Variants in TMEM132D observed in about 807,000 individuals in gnomAD.
TMEM132D encodes mature OL transmembrane protein.
TMEM132D carries 21 observed loss-of-function variants against 62.3 expected under a neutral mutation model. The observed-to-expected ratio is 0.34, with a 90% CI of 0.24 to 0.49. TMEM132D has a LOEUF of 0.49. TMEM132D is among the 20% of genes least tolerant of loss of function. TMEM132D has a pLI of 0.99. For synonymous variants in TMEM132D, 621 were observed against 575.6 expected, an observed-to-expected ratio of 1.08 and a Z score of -1.13; for missense variants, 1,346 against 1,402.8, an observed-to-expected ratio of 0.96 and a Z score of 0.65.
intron 3 of TMEM132D, among the ~76,000 whole-genome samples, chr12:129,444,679 CAG>C (rs2135723109): frequency 6.6e-6 from 1 of 152,210 alleles, no homozygotes; most frequent in South Asian, 2.1e-4. Flanking sequence ...TTCTCATGAA[CAG>C]ACACTTTTCC....
chr12:129,333,667 G>T (rs1319802097), intron 4 of TMEM132D, among the ~76,000 whole-genome samples: 1 of 152,126 alleles, frequency 6.6e-6, no homozygotes, highest in East Asian at 1.9e-4. Flanking sequence ...TTGCATGCTT[G>T]CAGCTGGGCA....
At chr12:129,261,240 C>G (rs1880543705) in intron 4 of TMEM132D, among the ~76,000 whole-genome samples, 1 of 152,140 alleles carries the variant, frequency 6.6e-6, no homozygotes, top group Admixed American at 6.5e-5. Context: ...GTGTCCCCAC[C>G]CAAATCTCAT....
At chr12:129,683,529 C>T (rs1191860834) in intron 2 of TMEM132D, among the ~76,000 whole-genome samples, 1 of 152,106 alleles carries the variant, frequency 6.6e-6, no homozygotes, top group Admixed American at 6.6e-5. Flanking sequence ...CTAAGAGTAA[C>T]CCAGAAGTGG....
intron 3 of TMEM132D, among the ~76,000 whole-genome samples, chr12:129,513,829 T>TTTA (rs930696600): frequency 2.2e-5 from 3 of 137,232 alleles, no homozygotes; most frequent in Non-Finnish European, 4.7e-5. Flanking sequence ...TATTTATTTA[T>TTTA]TTATTTATTT....
At position 129,524,921 on chromosome 12, in the gene TMEM132D, TTTTTTC is replaced by T. The variant is rs1385542640; in HGVS notation, c.1115+6132_1115+6137del. Among the ~76,000 whole-genome samples the T allele has an allele frequency of 4.8e-4, 25 of 51,940 alleles. No homozygotes were observed. In the South Asian group the frequency reaches 0.01, roughly 21 times the overall value. 34.1% of individuals were successfully genotyped at this position (51,940 alleles called of 152,430 possible). On this transcript the variant is annotated intron_variant, in intron 3 of 8. Coordinates refer to ENST00000422113, the MANE Select transcript of TMEM132D (RefSeq NM_133448.3). ...ATTTTATTATTTTCATATTTTTTTC[TTTTTTC>T]TTTTTTTTTTTTTTTTTGAGACGGA...
intron 3 of TMEM132D, among the ~76,000 whole-genome samples, chr12:129,356,917 A>AAGGAG (rs200145891): frequency 0.04 from 4,145 of 104,444 alleles, 297 homozygotes; most frequent in African/African-American, 0.17. Context: ...AAGGTAAGGA[A>AAGGAG]AGGAGAGGAG....
chr12:129,107,760 C>A (rs1375814981), intron 5 of TMEM132D, among the ~76,000 whole-genome samples: 1 of 152,286 alleles, frequency 6.6e-6, no homozygotes, highest in East Asian at 1.9e-4. Context: ...AATCATAGTT[C>A]ACTGAAGCCT....
Position 129,209,569 on chromosome 12 carries a change from T to G in TMEM132D, c.1394A>C (p.Glu465Ala). The change falls in exon 5 of 9, where the codon GAG becomes GCG. Residue 465 changes from glutamate to alanine, a missense_variant. Coordinates refer to ENST00000422113, the MANE Select transcript of TMEM132D (RefSeq NM_133448.3). ...TCTACACTCCACAGACTCCAGCAGC[T>G]CTGTCACTGTGCCGTCGTCCTCCAC... is the stretch of plus-strand genomic sequence containing the variant. ...VSVEDDGTVT[E>A]LLESVECRSS... The G allele has an allele frequency of 6.2e-7, 1 of 1,614,170 alleles. No individual in the cohort carries two copies. Among genetic ancestry groups the G allele is most frequent in the South Asian group, 1.1e-5 (1 of 91,080 alleles).
At chr12:129,731,605 A>G (rs186649047) in intron 1 of TMEM132D, among the ~76,000 whole-genome samples, 2 of 152,310 alleles carry the variant, frequency 1.3e-5, no homozygotes. Context: ...GCAACACGTT[A>G]CTGAAGGTGC....
At chr12:129,632,438 C>A (rs1360097841) in intron 2 of TMEM132D, among the ~76,000 whole-genome samples, 2 of 152,196 alleles carry the variant, frequency 1.3e-5, no homozygotes, top group African/African-American at 4.8e-5. Context: ...GTTCATGACC[C>A]TCTTTTTTGC....
chr12:129,081,627 T>G, intron 7 of TMEM132D, 132 bp downstream of exon 7: 1 of 1,326,054 alleles, frequency 7.5e-7, no homozygotes, highest in Non-Finnish European at 1.0e-6. Context: ...ACTCCACAAT[T>G]TCTTTGAATT....
intron 2 of TMEM132D, among the ~76,000 whole-genome samples, chr12:129,584,187 C>A (rs1288356744): frequency 6.6e-6 from 1 of 152,066 alleles, no homozygotes; most frequent in African/African-American, 2.4e-5. Context: ...ATGAAGTTGT[C>A]AAAAAGTTTC....
intron 4 of TMEM132D, among the ~76,000 whole-genome samples, chr12:129,260,302 T>G (rs150110523): frequency 1.3e-5 from 2 of 152,054 alleles, no homozygotes; most frequent in African/African-American, 4.8e-5. Context: ...TGGGCTGAAA[T>G]GAACAAAGAG....
chr12:129,813,793 C>T lies in TMEM132D; in HGVS notation c.79+89468G>A, dbSNP rs375535246. Among the ~76,000 whole-genome samples, 626 of 151,782 alleles carry T rather than the reference C, an allele frequency of 4.1e-3. 6 individuals are homozygous for T. The highest frequency in any genetic ancestry group is 0.015 in the African/African-American group (602 of 41,422). ...TATTGGGCACTGATGGTATTGCGTG[C>T]CTAGAAAATTCAAAGTAACAGGAAA... On this transcript the variant is annotated intron_variant, in intron 1 of 8. Coordinates refer to ENST00000422113, the MANE Select transcript of TMEM132D (RefSeq NM_133448.3).
At chr12:129,512,424 G>A (rs1256773384) in intron 3 of TMEM132D, among the ~76,000 whole-genome samples, 1 of 152,142 alleles carries the variant, frequency 6.6e-6, no homozygotes, top group Non-Finnish European at 1.5e-5. Flanking sequence ...CAAAAGAGAC[G>A]AGCCCTTCTT....
At chr12:129,754,162 C>G (rs763664948) in intron 1 of TMEM132D, among the ~76,000 whole-genome samples, 20 of 152,166 alleles carry the variant, frequency 1.3e-4, no homozygotes, top group Non-Finnish European at 2.8e-4. Flanking sequence ...GCAACAGCTT[C>G]TGAGAAGGAT....
rs1879825003 is a variant in TMEM132D at position 129,647,718 on chromosome 12, G to GTAAAT, written c.968+52087_968+52091dup. On this transcript the variant is annotated intron_variant, in intron 2 of 8. Coordinates refer to ENST00000422113, the MANE Select transcript of TMEM132D (RefSeq NM_133448.3). ...CTTATTGGCTGCTGGTATTTTTTAT[G>GTAAAT]TAAATTAATCCACACATCTTTTGCT... 1.3e-5 allele frequency among the ~76,000 whole-genome samples: 2 copies of GTAAAT among 152,252 alleles called. 1 individual carries two copies. The highest frequency in any genetic ancestry group is 4.1e-4 in the South Asian group (2 of 4,822).
intron 4 of TMEM132D, among the ~76,000 whole-genome samples, chr12:129,219,532 G>A (rs573892207): frequency 6.6e-6 from 1 of 152,206 alleles, no homozygotes; most frequent in Non-Finnish European, 1.5e-5. Flanking sequence ...AGCAGCTCCA[G>A]AAATGGACTC....
intron 1 of TMEM132D, among the ~76,000 whole-genome samples, chr12:129,714,570 A>G (rs540403376): frequency 6.6e-6 from 1 of 152,334 alleles, no homozygotes; most frequent in East Asian, 1.9e-4. Context: ...TGCAGTAGAC[A>G]GACTAACATG....
Sources: allele counts gnomAD v4.1 joint callset (sites outside exome capture counted in the v4.1 genomes callset), GRCh38; gene constraint gnomAD v4.1.1; transcripts MANE v1.5; gene names NCBI Gene and HGNC (gene_info 2026-07-23, HGNC 2026-07-21).